ROR2: variants seen among roughly 807,000 people sequenced by gnomAD.
ROR2 encodes tyrosine-protein kinase transmembrane receptor ROR2.
In ROR2, 33 loss-of-function variants were observed where a neutral mutation model predicts 74.9. The observed-to-expected ratio is 0.44, with a 90% confidence interval of 0.33 to 0.59. ROR2 has a LOEUF of 0.59. ROR2 is among the 20% of genes least tolerant of loss of function. The pLI is 0.02. For synonymous variants in ROR2, 586 were observed against 558.7 expected (o/e 1.05, Z -0.69); for missense variants, 1,216 against 1,313.8 (o/e 0.93, Z 1.15).
At chr9:91,806,765 AT>A (rs1170058727) in intron 1 of ROR2, among the ~76,000 whole-genome samples, 3 of 151,902 alleles carry the variant, frequency 2.0e-5, no homozygotes, top group Admixed American at 2.0e-4. Flanking sequence ...AATTTTTTGT[AT>A]TTTTAGTAGA....
chr9:91,763,500 T>A (rs141244270), intron 2 of ROR2, among the ~76,000 whole-genome samples: 103 of 152,342 alleles, frequency 6.8e-4, no homozygotes, highest in African/African-American at 2.2e-3. Flanking sequence ...TGCTTTAAAA[T>A]ATTTGCCAAT....
chr9:91,930,399 C>T (rs1030866137), intron 1 of ROR2, among the ~76,000 whole-genome samples: 5 of 152,230 alleles, frequency 3.3e-5, no homozygotes, highest in African/African-American at 9.6e-5. Context: ...TCGGGATCAG[C>T]TTAGACTGTG....
rs1423459079 is a variant in ROR2 at position 91,730,929 on chromosome 9, C to T, written c.1164G>A (p.Leu388=). ...FTQNKNVRME[L]CDVPSCSPRD... ...ACATACTACACGAGGGTACGTCACA[C>T]AGTTCCATGCGTACGTTTTTATTCT... The change falls in exon 7 of 9, where the codon CTG becomes CTA. Residue 388 remains leucine, a synonymous_variant. Transcript: ENST00000375708. The T allele has an allele frequency of 1.2e-6, 2 of 1,614,178 alleles. No individual in the cohort carries two copies. The highest frequency in any genetic ancestry group is 2.2e-5 in the East Asian group (1 of 44,882).
chr9:91,795,591 C>A (rs1487624150), intron 1 of ROR2, among the ~76,000 whole-genome samples: 2 of 152,184 alleles, frequency 1.3e-5, no homozygotes, highest in Non-Finnish European at 2.9e-5. Context: ...TAAAAAAGAA[C>A]ATTTTTCAAT....
intron 1 of ROR2, among the ~76,000 whole-genome samples, chr9:91,897,014 G>A (rs1819037308): frequency 6.6e-6 from 1 of 152,216 alleles, no homozygotes; most frequent in Non-Finnish European, 1.5e-5. Context: ...GGAAGGGGAA[G>A]GCCCATGCTC....
At chr9:91,893,516 C>T (rs797011907) in intron 1 of ROR2, among the ~76,000 whole-genome samples, 7 of 152,284 alleles carry the variant, frequency 4.6e-5, no homozygotes, top group Admixed American at 1.3e-4. Flanking sequence ...CTGGGGGACA[C>T]GCCTCACGGC....
chr9:91,852,658 C>CACACACACACAT (rs1208306508), intron 1 of ROR2, among the ~76,000 whole-genome samples: 3 of 151,838 alleles, frequency 2.0e-5, no homozygotes, highest in Admixed American at 6.6e-5. Context: ...CACCCACACA[C>CACACACACACAT]ACAATGTAAG....
At chr9:91,901,133 T>C (rs1830667483) in intron 1 of ROR2, among the ~76,000 whole-genome samples, 1 of 152,200 alleles carries the variant, frequency 6.6e-6, no homozygotes, top group African/African-American at 2.4e-5. Context: ...ACTGTGTTAC[T>C]TGACAGCCCA....
intron 1 of ROR2, among the ~76,000 whole-genome samples, chr9:91,851,698 C>T (rs959273240): frequency 1.3e-5 from 2 of 152,004 alleles, no homozygotes; most frequent in African/African-American, 2.4e-5. Flanking sequence ...GTTTTCTGGC[C>T]GGGCATGGTG....
At chr9:91,830,412 C>T (rs926418363) in intron 1 of ROR2, among the ~76,000 whole-genome samples, 3 of 152,204 alleles carry the variant, frequency 2.0e-5, no homozygotes, top group African/African-American at 7.2e-5. Flanking sequence ...TTCAATGCTG[C>T]AGTGAGGTAT....
intron 1 of ROR2, chr9:91,883,508 T>C (rs930935418): frequency 2.0e-5 from 3 of 152,230 alleles, no homozygotes; most frequent in Non-Finnish European, 4.4e-5. Context: ...AATCAAGTAG[T>C]AAGATCAGAA....
At chr9:91,806,889 G>A (rs765178826) in intron 1 of ROR2, among the ~76,000 whole-genome samples, 2 of 152,078 alleles carry the variant, frequency 1.3e-5, no homozygotes, top group Non-Finnish European at 2.9e-5. Flanking sequence ...GCGCCTGGCC[G>A]ATCATATTGA....
intron 4 of ROR2, among the ~76,000 whole-genome samples, chr9:91,746,455 G>A (rs931406029): frequency 6.6e-6 from 1 of 152,204 alleles, no homozygotes; most frequent in Admixed American, 6.5e-5. Context: ...CTGTTTTCCT[G>A]TAATTAGGAT....
chr9:91,915,125 C>G (rs1831095592), intron 1 of ROR2, among the ~76,000 whole-genome samples: 2 of 152,180 alleles, frequency 1.3e-5, no homozygotes, highest in African/African-American at 4.8e-5. Flanking sequence ...TTGCTGAAGT[C>G]TCAACCCAAG....
At chr9:91,920,168 A>T (rs1055471488) in intron 1 of ROR2, among the ~76,000 whole-genome samples, 3 of 152,260 alleles carry the variant, frequency 2.0e-5, no homozygotes, top group Non-Finnish European at 4.4e-5. Flanking sequence ...GAAAAAATTT[A>T]AAAAGCATTT....
intron 1 of ROR2, among the ~76,000 whole-genome samples, chr9:91,780,554 G>A (rs868724227): frequency 2.0e-5 from 3 of 152,134 alleles, no homozygotes; most frequent in South Asian, 2.1e-4. Flanking sequence ...TTGGGAGGTC[G>A]AGGCCTCGGG....
chr9:91,747,370 C>T (rs1317966735), intron 4 of ROR2, among the ~76,000 whole-genome samples: 1 of 152,252 alleles, frequency 6.6e-6, no homozygotes, highest in Non-Finnish European at 1.5e-5. Context: ...ACAGCGCTCA[C>T]GCGTGTGGAC....
In ROR2 at chr9:91,772,746, A is replaced by G. The variant is rs562114958; in HGVS notation, c.175+2995T>C. On this transcript the variant is annotated intron_variant, in intron 2 of 8. Coordinates refer to ENST00000375708, the MANE Select transcript of ROR2 (RefSeq NM_004560.4). ...TCGGTCATGGGAACGCACTGAACAC[A>G]CATGGTTTTTAAACCATTCACTTGT... Among the ~76,000 whole-genome samples the G allele has an allele frequency of 4.5e-4, 68 of 152,328 alleles. 2 individuals carry two copies. In the South Asian group the frequency reaches 0.014, roughly 31 times the overall value.
At chr9:91,845,920 T>G (rs112081531) in intron 1 of ROR2, among the ~76,000 whole-genome samples, 15 of 144,610 alleles carry the variant, frequency 1.0e-4, no homozygotes, top group African/African-American at 3.1e-4. Context: ...AGGTGTACCT[T>G]ATGAAGAGCT....
Sources: allele counts gnomAD v4.1 joint callset (sites outside exome capture counted in the v4.1 genomes callset), GRCh38; gene constraint gnomAD v4.1.1; transcripts MANE v1.5; gene names NCBI Gene and HGNC (gene_info 2026-07-23, HGNC 2026-07-21).